Variants in GABRB3 observed in about 807,000 individuals in gnomAD.
The protein encoded by GABRB3 is gamma-aminobutyric acid type A receptor subunit beta3, also known as gamma-aminobutyric acid receptor subunit beta-3.
Under a neutral mutation model 52.1 loss-of-function variants are expected in GABRB3, and 14 were observed. That is an observed-to-expected ratio of 0.27 (90% CI 0.18 to 0.42). The LOEUF (loss-of-function observed/expected upper bound fraction) is 0.42. GABRB3 is among the 10% of genes least tolerant of loss of function. The pLI, the probability that GABRB3 is intolerant of heterozygous loss-of-function variation, is 1.00. For synonymous variants in GABRB3, 260 were observed against 232.3 expected, an observed-to-expected ratio of 1.12 and a Z score of -1.08; for missense variants, 307 against 609.1, an observed-to-expected ratio of 0.50 and a Z score of 5.22.
intron 3 of GABRB3, among the ~76,000 whole-genome samples, chr15:26,698,922 T>C (rs1020304269): frequency 6.6e-6 from 1 of 152,334 alleles, no homozygotes; most frequent in Middle Eastern, 3.4e-3. Flanking sequence ...GAGTGAGCTA[T>C]GTTGAACCTC....
intron 4 of GABRB3, among the ~76,000 whole-genome samples, chr15:26,604,479 A>G (rs552094898): frequency 6.6e-6 from 1 of 152,346 alleles, no homozygotes; most frequent in Non-Finnish European, 1.5e-5. Flanking sequence ...AGCAAAAGGA[A>G]CAAAATTGGA....
intron 3 of GABRB3, among the ~76,000 whole-genome samples, chr15:26,759,170 A>C (rs1890743657): frequency 6.6e-6 from 1 of 152,024 alleles, no homozygotes; most frequent in African/African-American, 2.4e-5. Context: ...TCATCTCTAC[A>C]CCTGCAGCGG....
chr15:26,702,001 A>C (rs900154534), intron 3 of GABRB3, among the ~76,000 whole-genome samples: 19 of 152,196 alleles, frequency 1.2e-4, no homozygotes, highest in African/African-American at 4.1e-4. Flanking sequence ...ATACTGCTAG[A>C]CTAATTTGAC....
chr15:26,701,236 A>G (rs562231551), intron 3 of GABRB3, among the ~76,000 whole-genome samples: 1 of 152,244 alleles, frequency 6.6e-6, no homozygotes, highest in South Asian at 2.1e-4. Flanking sequence ...TCAACACTTG[A>G]GAGATCCAGC....
intron 3 of GABRB3, among the ~76,000 whole-genome samples, chr15:26,708,234 T>C (rs919046967): frequency 1.3e-5 from 2 of 152,204 alleles, no homozygotes; most frequent in African/African-American, 4.8e-5. Flanking sequence ...TTGATTGTTC[T>C]ACATGACAGT....
chr15:26,567,519 CTCTTAATACTGTAATGA>C, intron 7 of GABRB3, 45 bp downstream of exon 7: 1 of 1,531,552 alleles, frequency 6.5e-7, no homozygotes, highest in Non-Finnish European at 9.0e-7. Context: ...CCTTTGAACT[CTCTTAATACTGTAATGA>C]TACGGTTACT....
chr15:26,561,367 G>A (rs990632210), intron 7 of GABRB3, among the ~76,000 whole-genome samples, 191 bp from the exon 8 acceptor site: 3 of 152,216 alleles, frequency 2.0e-5, no homozygotes, highest in Non-Finnish European at 4.4e-5. Context: ...AGAACAGCAA[G>A]CTGACATCTG....
At chr15:26,699,278 C>T (rs543984761) in intron 3 of GABRB3, among the ~76,000 whole-genome samples, 1 of 152,226 alleles carries the variant, frequency 6.6e-6, no homozygotes, top group South Asian at 2.1e-4. Context: ...TCCAGTATTG[C>T]TTAACCAATA....
chr15:26,548,636 G>A (rs1889348440), intron 8 of GABRB3, among the ~76,000 whole-genome samples: 1 of 152,124 alleles, frequency 6.6e-6, no homozygotes, highest in Non-Finnish European at 1.5e-5. Context: ...CCGTGGAGTA[G>A]ATACAGACAC....
At chr15:26,725,180 C>T (rs1889738700) in intron 3 of GABRB3, among the ~76,000 whole-genome samples, 1 of 152,204 alleles carries the variant, frequency 6.6e-6, no homozygotes, top group Admixed American at 6.5e-5. Flanking sequence ...CTTATTCCCT[C>T]AAACATACAC....
chr15:26,720,047 G>A (rs750587174), intron 3 of GABRB3, among the ~76,000 whole-genome samples: 4 of 152,112 alleles, frequency 2.6e-5, no homozygotes, highest in East Asian at 1.9e-4. Flanking sequence ...GAAAATGGCC[G>A]GTCGTTGCCT....
At chr15:26,593,301 AT>A (rs1277790586) in intron 4 of GABRB3, among the ~76,000 whole-genome samples, 1 of 152,226 alleles carries the variant, frequency 6.6e-6, no homozygotes. Context: ...AATCAAAAAA[AT>A]TTTAATTAAA....
At chr15:26,689,587 G>A (rs975348614) in intron 3 of GABRB3, among the ~76,000 whole-genome samples, 4 of 152,074 alleles carry the variant, frequency 2.6e-5, no homozygotes, top group Non-Finnish European at 5.9e-5. Context: ...AACTGGTGGC[G>A]TTAGCATGAC....
intron 3 of GABRB3, among the ~76,000 whole-genome samples, chr15:26,674,947 T>C (rs1012407277): frequency 1.3e-5 from 2 of 152,164 alleles, no homozygotes; most frequent in Non-Finnish European, 2.9e-5. Flanking sequence ...ACATATCAAA[T>C]AAAACCAAGT....
At chr15:26,706,835 A>C (rs1595541795) in intron 3 of GABRB3, among the ~76,000 whole-genome samples, 2 of 152,222 alleles carry the variant, frequency 1.3e-5, no homozygotes, top group East Asian at 3.9e-4. Flanking sequence ...GATATTCTGC[A>C]TGAAAATAAA....
At chr15:26,682,384 G>C (rs573793179) in intron 3 of GABRB3, among the ~76,000 whole-genome samples, 16 of 152,158 alleles carry the variant, frequency 1.1e-4, no homozygotes, top group African/African-American at 3.9e-4. Context: ...TGCTGGCACA[G>C]AGCACATAAA....
chr15:26,555,607 T>A (rs117107074), intron 8 of GABRB3, among the ~76,000 whole-genome samples: 3 of 152,184 alleles, frequency 2.0e-5, no homozygotes, highest in Admixed American at 2.0e-4. Context: ...TACAGTGCTC[T>A]TGGGGGCTTT....
intron 3 of GABRB3, among the ~76,000 whole-genome samples, chr15:26,748,116 A>G (rs2140168322): frequency 6.6e-6 from 1 of 151,998 alleles, no homozygotes; most frequent in Non-Finnish European, 1.5e-5. Flanking sequence ...GCTGGCTTTG[A>G]TTTGCCCATA....
At chr15:26,629,139 G>T in intron 3 of GABRB3, 1 of 1,520,174 alleles carries the variant, frequency 6.6e-7, no homozygotes, top group South Asian at 1.2e-5. Context: ...TGAAGCTCGG[G>T]GAGGCGCAGG....
Sources: gnomAD v4.1 joint callset for allele counts (sites outside exome capture counted in the v4.1 genomes callset) on GRCh38, gnomAD v4.1.1 for gene constraint, MANE v1.5 for transcripts, NCBI Gene and HGNC (gene_info 2026-07-23, HGNC 2026-07-21) for gene names.